The following FOXJ3 variants were observed in gnomAD, a reference collection of about 807,000 sequenced individuals.
FOXJ3 encodes forkhead box J3, also known as forkhead box protein J3.
FOXJ3 carries 22 observed loss-of-function variants against 76.1 expected under a neutral mutation model. The ratio of observed to expected loss-of-function variants is 0.29; its 90% CI spans 0.21 to 0.41. The LOEUF (loss-of-function observed/expected upper bound fraction) is 0.41, where lower values mean the gene tolerates loss of function less well. Among genes scored for constraint, FOXJ3 ranks in the 10% least tolerant of loss-of-function variants. FOXJ3 has a pLI of 1.00. For synonymous variants in FOXJ3, 269 were observed against 261.2 expected, an observed-to-expected ratio of 1.03 and a Z score of -0.29; for missense variants, 613 against 762.1, an observed-to-expected ratio of 0.80 and a Z score of 2.30.
At chr1:42,231,884 G>T (rs1311449306) in intron 4 of FOXJ3, among the ~76,000 whole-genome samples, 1 of 152,074 alleles carries the variant, frequency 6.6e-6, no homozygotes, top group Non-Finnish European at 1.5e-5. Flanking sequence ...TGCCATGTTG[G>T]TGTGCTGCAC....
At chr1:42,296,557 T>C (rs1407845271) in intron 2 of FOXJ3, among the ~76,000 whole-genome samples, 2 of 152,158 alleles carry the variant, frequency 1.3e-5, no homozygotes, top group African/African-American at 4.8e-5. Context: ...TTGAATAGAG[T>C]GTTAATGTCC....
In FOXJ3 at chr1:42,329,440, T is replaced by A. The variant is rs973131653; in HGVS notation, c.-18+5619A>T. ...TGGTCAAATTTTGTGACAGTTGTTATAAAACGCCACTGTGGTGTTTTCTGG... is the reference window on the plus strand; with the variant it reads ...TGGTCAAATTTTGTGACAGTTGTTAAAAAACGCCACTGTGGTGTTTTCTGG... On this transcript the variant is annotated intron_variant, in intron 1 of 12. Coordinates refer to ENST00000361346, the MANE Select transcript of FOXJ3 (RefSeq NM_014947.5). Among the ~76,000 whole-genome samples, 3 of 152,354 alleles carry A rather than the reference T, an allele frequency of 2.0e-5. No homozygotes were observed. The South Asian group carries it at 6.2e-4, about 32-fold the overall frequency.
chr1:42,285,543 C>G (rs1652998619), intron 2 of FOXJ3, among the ~76,000 whole-genome samples: 2 of 152,234 alleles, frequency 1.3e-5, no homozygotes, highest in African/African-American at 4.8e-5. Flanking sequence ...GCAAAAGTCT[C>G]TTAAGTTTCT....
At chr1:42,314,595 CAAT>C (rs1655001515) in intron 1 of FOXJ3, among the ~76,000 whole-genome samples, 2 of 152,156 alleles carry the variant, frequency 1.3e-5, no homozygotes, top group Non-Finnish European at 2.9e-5. Context: ...TTCTACAAGG[CAAT>C]GATCTGAGTG....
chr1:42,283,040 C>T (rs190054325), intron 2 of FOXJ3, among the ~76,000 whole-genome samples: 20 of 152,214 alleles, frequency 1.3e-4, no homozygotes, highest in Admixed American at 1.3e-3. Flanking sequence ...AGTAAGGGTA[C>T]TCATAGGTTT....
chr1:42,294,023 G>C (rs1039402902), intron 2 of FOXJ3, among the ~76,000 whole-genome samples: 1 of 152,074 alleles, frequency 6.6e-6, no homozygotes, highest in Non-Finnish European at 1.5e-5. Flanking sequence ...TAGTAAGGAC[G>C]TAAGTATTCA....
rs80232222 is a variant in FOXJ3, at chr1:42,217,346, T to C, written c.528+10537A>G. 5.3e-5 allele frequency among the ~76,000 whole-genome samples: 8 copies of C among 152,134 alleles called. No homozygotes were observed. In the East Asian group the frequency reaches 1.5e-3, roughly 29 times the overall value. ...GAGATCAAGACCATCCTGGCCAACA[T>C]GGCGAAACCCCATCTCTACTAAAAA... On this transcript the variant is annotated intron_variant, in intron 5 of 12. Coordinates refer to ENST00000361346, the MANE Select transcript of FOXJ3 (RefSeq NM_014947.5).
At chr1:42,228,100 T>C (rs1415433985) in intron 4 of FOXJ3, 134 bp from the exon 5 acceptor site, 2 of 422,694 alleles carry the variant, frequency 4.7e-6, no homozygotes, top group Non-Finnish European at 8.5e-6. Flanking sequence ...AACACTTGTT[T>C]TGAACTGAGA....
intron 1 of FOXJ3, among the ~76,000 whole-genome samples, chr1:42,315,688 A>T (rs2494370): frequency 0.7 from 107,101 of 152,110 alleles, 38,367 homozygotes; most frequent in Admixed American, 0.8. Context: ...AGCAACAGGG[A>T]AATCTCACAA....
chr1:42,276,505 T>C (rs1407077486), intron 3 of FOXJ3, among the ~76,000 whole-genome samples: 1 of 152,198 alleles, frequency 6.6e-6, no homozygotes, highest in Non-Finnish European at 1.5e-5. Flanking sequence ...ATGGGGTTCT[T>C]GGAAACCGCA....
Position 42,227,859 on chromosome 1 carries a change from A to G in FOXJ3, c.528+24T>C, listed in dbSNP as rs771011890. On this transcript the variant is annotated intron_variant, in intron 5 of 12. Coordinates refer to ENST00000361346, the MANE Select transcript of FOXJ3 (RefSeq NM_014947.5). ...TCAGACATATTCAATGCATTACACTAAATTTATGATAAAGAGCCTTTACCC... is the reference window on the plus strand; with the variant it reads ...TCAGACATATTCAATGCATTACACTGAATTTATGATAAAGAGCCTTTACCC... The G allele has an allele frequency of 3.5e-6, 5 of 1,419,798 alleles. 1 individual carries two copies. The South Asian group carries it at 6.7e-5, about 19-fold the overall frequency. 88.0% of individuals were successfully genotyped at this position (1,419,798 alleles called of 1,614,324 possible). A position where few individuals can be genotyped will look rare whatever the true frequency, so the allele number is the denominator to read the frequency against.
intron 11 of FOXJ3, among the ~76,000 whole-genome samples, chr1:42,184,142 C>A (rs1646386050): frequency 6.6e-6 from 1 of 152,124 alleles, no homozygotes; most frequent in Non-Finnish European, 1.5e-5. Flanking sequence ...GTAAAGACTG[C>A]ACCAAGCTGG....
At chr1:42,205,668 A>T in intron 6 of FOXJ3, 94 bp downstream of exon 6, 1 of 747,354 alleles carries the variant, frequency 1.3e-6, no homozygotes, top group Non-Finnish European at 2.3e-6. Context: ...TATAATCTTT[A>T]AACTGAACCA....
At chr1:42,234,295 T>C (rs1469284908) in intron 4 of FOXJ3, among the ~76,000 whole-genome samples, 1 of 152,142 alleles carries the variant, frequency 6.6e-6, no homozygotes, top group Non-Finnish European at 1.5e-5. Context: ...TAGTTAGCCA[T>C]TTGTTTAATT....
At chr1:42,229,273 A>G (rs1647859727) in intron 4 of FOXJ3, among the ~76,000 whole-genome samples, 1 of 152,132 alleles carries the variant, frequency 6.6e-6, no homozygotes, top group African/African-American at 2.4e-5. Flanking sequence ...TTAACATTCA[A>G]TTCTGTTTAC....
chr1:42,324,422 ACT>A (rs1477052624), intron 1 of FOXJ3, among the ~76,000 whole-genome samples: 2 of 146,120 alleles, frequency 1.4e-5, no homozygotes, highest in South Asian at 2.1e-4. Flanking sequence ...CATATAAATC[ACT>A]GTTTTAGACA....
intron 6 of FOXJ3, among the ~76,000 whole-genome samples, chr1:42,201,996 A>C (rs1646772917): frequency 6.6e-6 from 1 of 152,140 alleles, no homozygotes; most frequent in Non-Finnish European, 1.5e-5. Context: ...TTTACATAAG[A>C]TGTTCATATC....
chr1:42,213,140 C>A (rs1267331824), intron 5 of FOXJ3, among the ~76,000 whole-genome samples: 5 of 151,988 alleles, frequency 3.3e-5, no homozygotes, highest in African/African-American at 1.2e-4. Context: ...GTATAAATTT[C>A]ACAGGGCTTG....
At chr1:42,284,522 G>C (rs933445294) in intron 2 of FOXJ3, among the ~76,000 whole-genome samples, 1 of 152,192 alleles carries the variant, frequency 6.6e-6, no homozygotes, top group Non-Finnish European at 1.5e-5. Flanking sequence ...TGCAATTTCA[G>C]CTAAGAGTCC....
Sources: allele counts gnomAD v4.1 joint callset (sites outside exome capture counted in the v4.1 genomes callset), GRCh38; gene constraint gnomAD v4.1.1; transcripts MANE v1.5; gene names NCBI Gene and HGNC (gene_info 2026-07-23, HGNC 2026-07-21).